The following MS4A12 variants were observed in gnomAD, a reference collection of about 807,000 sequenced individuals.
The protein encoded by MS4A12 is membrane-spanning 4-domains subfamily A member 12.
In MS4A12, 28 loss-of-function variants were observed where a neutral mutation model predicts 23.7. The ratio of observed to expected loss-of-function variants is 1.18; its 90% confidence interval spans 0.88 to 1.62. The LOEUF is 1.62. MS4A12 is among the 40% of genes most tolerant of loss of function. The pLI is 0.00. For missense variants in MS4A12, 342 were observed against 327.0 expected (o/e 1.05, Z -0.35); for synonymous variants, 108 against 110.1 (o/e 0.98, Z 0.12).
Position 60,497,460 on chromosome 11 carries a change from C to T in MS4A12, c.142C>T (p.Arg48Cys), listed in dbSNP as rs137894801. 119 of 1,614,162 alleles carry T rather than the reference C, an allele frequency of 7.4e-5. No homozygotes were observed. The African/African-American group carries it at 8.9e-4, about 12-fold the overall frequency. Residue 48 changes from arginine (R) to cysteine (C), a missense_variant, in exon 2 of 7, where the codon CGT becomes TGT. Coordinates refer to ENST00000016913, the MANE Select transcript of MS4A12 (RefSeq NM_017716.3). ...AGAAAACCAAGCTCAGGGTGCTCAGCGTGCTCAGCCCTACGGCATCACATC... is the reference window on the plus strand; with the variant it reads ...AGAAAACCAAGCTCAGGGTGCTCAGTGTGCTCAGCCCTACGGCATCACATC... The part of the protein sequence containing the change: ...NLENQAQGAQ[R>C]AQPYGITSPG...
rs78557637 is a variant in MS4A12 at position 60,497,411 on chromosome 11, A to G, written c.93A>G (p.Gln31=). ...PPSSFMAPGF[Q]QPLGSINLEN... is the part of the protein sequence containing the mutation. ...GCAGCTTTATGGCTCCTGGATTTCA[A>G]CAGCCTCTGGGTTCAATCAACTTAG... The change falls in exon 2 of 7, where the codon CAA becomes CAG. Residue 31 remains glutamine (Q), a synonymous_variant. Coordinates refer to ENST00000016913, the MANE Select transcript of MS4A12 (RefSeq NM_017716.3). The G allele has an allele frequency of 1.9e-6, 3 of 1,614,168 alleles. No individual in the cohort carries two copies. Among genetic ancestry groups the G allele is most frequent in the Non-Finnish European group, 8.5e-7 (1 of 1,180,038 alleles).
At chr11:60,499,141 AG>A (rs1299379187) in intron 2 of MS4A12, among the ~76,000 whole-genome samples, 1 of 101,042 alleles carries the variant, frequency 9.9e-6, no homozygotes, top group Non-Finnish European at 2.1e-5. Context: ...CTCTCTCTGA[AG>A]ATTTGTTATT....
Position 60,503,793 on chromosome 11 carries a change from A to G in MS4A12, c.564A>G (p.Val188=). ...TGGTGGATATGTGCATCAATGGGGT[A>G]GCTGGCCAAGACTACTGGGCCGTGG... is the stretch of plus-strand genomic sequence containing the variant. ...LLLVDMCING[V]AGQDYWAVLS... is the part of the protein sequence containing the mutation. The change falls in exon 5 of 7, where the codon GTA becomes GTG. Residue 188 remains valine, a synonymous_variant. Transcript: ENST00000016913. The G allele has an allele frequency of 1.2e-6, 2 of 1,613,898 alleles. No homozygotes were observed. Among genetic ancestry groups the G allele is most frequent in the African/African-American group, 1.3e-5 (1 of 75,036 alleles).
At chr11:60,504,234 C>A (rs763205018) in intron 5 of MS4A12, among the ~76,000 whole-genome samples, 1 of 152,132 alleles carries the variant, frequency 6.6e-6, no homozygotes, top group Non-Finnish European at 1.5e-5. Flanking sequence ...CTGATTTTTA[C>A]AGAGAAACCC....
chr11:60,505,043 A>C (rs1045083565), intron 5 of MS4A12, among the ~76,000 whole-genome samples: 1 of 152,206 alleles, frequency 6.6e-6, no homozygotes, highest in Non-Finnish European at 1.5e-5. Context: ...TGTAAGGAAA[A>C]GCTTATATAA....
chr11:60,499,968 A>G (rs968595052), intron 2 of MS4A12, among the ~76,000 whole-genome samples: 1 of 152,226 alleles, frequency 6.6e-6, no homozygotes, highest in African/African-American at 2.4e-5. Flanking sequence ...GCATACCTGC[A>G]ACTTTTTAAA....
rs529051562 is a variant in MS4A12, at chr11:60,496,416, T to C, written c.-6-897T>C. 8.5e-5 allele frequency among the ~76,000 whole-genome samples: 13 copies of C among 152,372 alleles called. No homozygotes were observed. In the East Asian group the frequency reaches 2.5e-3, roughly 29 times the overall value. On this transcript the variant is annotated intron_variant, in intron 1 of 6. Transcript: ENST00000016913. Reference sequence around the variant, plus strand: ...GTTGTCCATATTCAGTTGTACTGGCTTATTTCCAACAAAATTTCCCTTGCC... The same window carrying C: ...GTTGTCCATATTCAGTTGTACTGGCCTATTTCCAACAAAATTTCCCTTGCC...
intron 1 of MS4A12, among the ~76,000 whole-genome samples, chr11:60,494,027 A>G (rs769216256): frequency 6.6e-6 from 1 of 152,232 alleles, no homozygotes; most frequent in Admixed American, 6.5e-5. Context: ...TCAACTGTCA[A>G]GAGAACAATC....
intron 5 of MS4A12, among the ~76,000 whole-genome samples, chr11:60,505,044 G>T (rs565450212): frequency 6.6e-6 from 1 of 152,136 alleles, no homozygotes; most frequent in South Asian, 2.1e-4. Context: ...GTAAGGAAAA[G>T]CTTATATAAG....
intron 5 of MS4A12, among the ~76,000 whole-genome samples, chr11:60,505,600 C>T (rs912890375): frequency 3.3e-5 from 5 of 152,038 alleles, no homozygotes; most frequent in Admixed American, 2.6e-4. Flanking sequence ...AAAAAAAGCA[C>T]AGCTTTTAGA....
At chr11:60,496,243 C>G (rs1263508923) in intron 1 of MS4A12, among the ~76,000 whole-genome samples, 1 of 152,100 alleles carries the variant, frequency 6.6e-6, no homozygotes, top group Non-Finnish European at 1.5e-5. Context: ...TACTTCATAC[C>G]AAGAATGAGA....
At chr11:60,493,561 A>G (rs2086465377) in intron 1 of MS4A12, among the ~76,000 whole-genome samples, 3 of 152,220 alleles carry the variant, frequency 2.0e-5, no homozygotes. Flanking sequence ...TTTGTAACAC[A>G]TTTTAATTAA....
chr11:60,505,414 G>A (rs1941022), intron 5 of MS4A12, among the ~76,000 whole-genome samples: 1,994 of 152,072 alleles, frequency 0.013, 104 homozygotes, highest in Admixed American at 0.097. Context: ...GAGCCAAACC[G>A]TATCAGGAGG....
At chr11:60,499,933 AAG>A (rs1458068030) in intron 2 of MS4A12, among the ~76,000 whole-genome samples, 1 of 152,226 alleles carries the variant, frequency 6.6e-6, no homozygotes, top group African/African-American at 2.4e-5. Context: ...GATTGATAAG[AAG>A]AATGATTGGT....
At chr11:60,505,822 C>A (rs886455070) in intron 5 of MS4A12, among the ~76,000 whole-genome samples, 5 of 152,156 alleles carry the variant, frequency 3.3e-5, no homozygotes, top group Admixed American at 6.5e-5. Context: ...GCAACACCTT[C>A]CCATACCCTG....
rs183886747 is a variant in MS4A12, at chr11:60,500,935, G to T, written c.277-110G>T. ...TTCAGATGTGTGCCTGAATGACAACGATGGATCTCAGCAAAATTGACAATA... is the reference window on the plus strand; with the variant it reads ...TTCAGATGTGTGCCTGAATGACAACTATGGATCTCAGCAAAATTGACAATA... On this transcript the variant is annotated intron_variant, in intron 2 of 6. Coordinates refer to ENST00000016913, the MANE Select transcript of MS4A12 (RefSeq NM_017716.3). 399 of 1,271,810 alleles carry T rather than the reference G, an allele frequency of 3.1e-4. 1 individual carries two copies. The highest frequency in any genetic ancestry group is 2.1e-4 in the Non-Finnish European group (194 of 923,358). The allele number at this position is 1,271,810 out of a possible 1,614,324, so 78.8% of individuals were successfully genotyped here. A position where few individuals can be genotyped will look rare whatever the true frequency, so the allele number is the denominator to read the frequency against.
chr11:60,497,823 T>C (rs2086501679), intron 2 of MS4A12: 2 of 501,732 alleles, frequency 4.0e-6, no homozygotes, highest in African/African-American at 3.9e-5. Context: ...GAGAATTTGG[T>C]AATATTGACG....
At chr11:60,503,516 A>G (rs993085370) in intron 4 of MS4A12, among the ~76,000 whole-genome samples, 185 bp from the exon 5 acceptor site, 2 of 152,194 alleles carry the variant, frequency 1.3e-5, no homozygotes, top group Non-Finnish European at 2.9e-5. Context: ...AGTACCCTAC[A>G]TCTAGGCTGC....
intron 1 of MS4A12, among the ~76,000 whole-genome samples, chr11:60,495,238 G>T (rs529639176): frequency 6.6e-6 from 1 of 151,256 alleles, no homozygotes; most frequent in South Asian, 2.1e-4. Context: ...TCCTGACCTC[G>T]GGATCTGCCC....
Sources: gnomAD v4.1 joint callset for allele counts (sites outside exome capture counted in the v4.1 genomes callset) on GRCh38, gnomAD v4.1.1 for gene constraint, MANE v1.5 for transcripts, NCBI Gene and HGNC (gene_info 2026-07-23, HGNC 2026-07-21) for gene names.